The following SLC15A4 variants were observed in gnomAD, a reference collection of about 807,000 sequenced individuals.
SLC15A4 encodes the protein solute carrier family 15 member 4, also known as hPHT1.
Under a neutral mutation model 46.1 loss-of-function variants are expected in SLC15A4, and 26 were observed. The ratio of observed to expected loss-of-function variants is 0.56; its 90% CI spans 0.41 to 0.78. SLC15A4 has a LOEUF of 0.78. SLC15A4 is among the 30% of genes least tolerant of loss of function. The pLI is 0.00. For synonymous variants in SLC15A4, 370 were observed against 333.4 expected (o/e 1.11, Z -1.20); for missense variants, 751 against 755.7 (o/e 0.99, Z 0.07).
At chr12:128,820,695 G>A (rs1237120874) in intron 1 of SLC15A4, among the ~76,000 whole-genome samples, 1 of 152,226 alleles carries the variant, frequency 6.6e-6, no homozygotes, top group Non-Finnish European at 1.5e-5. Flanking sequence ...TGTAGCATAC[G>A]TGTCATGTGG....
intron 7 of SLC15A4, among the ~76,000 whole-genome samples, chr12:128,797,267 CAGA>C (rs1378625548): frequency 1.3e-5 from 2 of 151,998 alleles, no homozygotes; most frequent in African/African-American, 4.8e-5. Flanking sequence ...GAGCAGTACT[CAGA>C]AGTACAGGGG....
At chr12:128,800,330 T>C (rs2135706343) in intron 6 of SLC15A4, among the ~76,000 whole-genome samples, 1 of 152,294 alleles carries the variant, frequency 6.6e-6, no homozygotes, top group East Asian at 1.9e-4. Flanking sequence ...TACCCACACA[T>C]CCATCCACCT....
chr12:128,797,496 T>G (rs542606416), intron 7 of SLC15A4, among the ~76,000 whole-genome samples: 1 of 152,304 alleles, frequency 6.6e-6, no homozygotes, highest in South Asian at 2.1e-4. Flanking sequence ...ATTAGAGACC[T>G]TTACTATGGT....
At chr12:128,807,620 C>G (rs984613208) in intron 5 of SLC15A4, among the ~76,000 whole-genome samples, 5 of 152,222 alleles carry the variant, frequency 3.3e-5, no homozygotes, top group African/African-American at 1.2e-4. Flanking sequence ...TTCCTGCAGA[C>G]AGCCCTTCTG....
chr12:128,794,486 T>C (rs1014335984), intron 7 of SLC15A4, 130 bp from the exon 8 acceptor site: 4 of 908,738 alleles, frequency 4.4e-6, no homozygotes, highest in African/African-American at 3.4e-5. Flanking sequence ...ATGTTGTCTC[T>C]GTAGTCCAAA....
Position 128,810,044 on chromosome 12 carries a change from C to T in SLC15A4, c.910G>A (p.Gly304Ser). The T allele has an allele frequency of 6.2e-7, 1 of 1,614,124 alleles. No individual in the cohort carries two copies. Among genetic ancestry groups the T allele is most frequent in the Non-Finnish European group, 8.5e-7 (1 of 1,180,010 alleles). ...ACTTTCTCTTCTGTAAATGGCCCAC[C>T]ATGAGACATCTTACATGAATCAAAC... ...SLFDSCKMSH[G>S]GPFTEEKVED... Residue 304 changes from glycine to serine, a missense_variant, in exon 3 of 8, where the codon GGT becomes AGT. By Grantham distance (56) the Gly-to-Ser change is moderately conservative. Coordinates refer to ENST00000266771, the MANE Select transcript of SLC15A4 (RefSeq NM_145648.4).
intron 3 of SLC15A4, chr12:128,809,742 A>G: frequency 3.6e-6 from 2 of 557,418 alleles, no homozygotes; most frequent in South Asian, 5.4e-5. Flanking sequence ...ACCTGTTCTC[A>G]GCTTCTTTTT....
chr12:128,797,366 G>A (rs1320923997), intron 7 of SLC15A4, among the ~76,000 whole-genome samples: 1 of 149,332 alleles, frequency 6.7e-6, no homozygotes, highest in African/African-American at 2.5e-5. Flanking sequence ...GGGGACCAAC[G>A]CTGGAATAGA....
At chr12:128,810,758 A>C (rs1955646956) in intron 2 of SLC15A4, among the ~76,000 whole-genome samples, 1 of 152,136 alleles carries the variant, frequency 6.6e-6, no homozygotes, top group Admixed American at 6.5e-5. Context: ...AGTAGGAAAC[A>C]GGGAGTGCCC....
chr12:128,800,157 A>G (rs1342739246), intron 6 of SLC15A4, among the ~76,000 whole-genome samples: 1 of 152,108 alleles, frequency 6.6e-6, no homozygotes, highest in Non-Finnish European at 1.5e-5. Context: ...AGACTTCAAA[A>G]CTATTTTGGC....
chr12:128,806,641 T>C (rs1955592886), intron 5 of SLC15A4, among the ~76,000 whole-genome samples: 2 of 152,212 alleles, frequency 1.3e-5, no homozygotes, highest in African/African-American at 4.8e-5. Flanking sequence ...ATGTAACTCT[T>C]CCCAACTACT....
intron 7 of SLC15A4, among the ~76,000 whole-genome samples, chr12:128,796,616 A>T (rs1444905282): frequency 6.6e-6 from 1 of 152,152 alleles, no homozygotes; most frequent in Non-Finnish European, 1.5e-5. Context: ...CAGATGTTTT[A>T]CACTATTCGT....
Position 128,810,040 on chromosome 12 carries a change from C to T in SLC15A4, c.914G>A (p.Gly305Glu). 1.2e-6 allele frequency: 2 copies of T among 1,614,062 alleles called. No homozygotes were observed. The highest frequency in any genetic ancestry group is 1.6e-4 in the Middle Eastern group (1 of 6,062). The change falls in exon 3 of 8, where the codon GGG becomes GAG. Residue 305 changes from glycine to glutamate, a missense_variant. By Grantham distance (98) the Gly-to-Glu change is moderately conservative. Transcript: ENST00000266771. The part of the protein sequence containing the change: ...LFDSCKMSHG[G>E]PFTEEKVEDV... ...TTCCACTTTCTCTTCTGTAAATGGC[C>T]CACCATGAGACATCTTACATGAATC...
intron 7 of SLC15A4, among the ~76,000 whole-genome samples, chr12:128,796,584 G>C (rs564219797): frequency 6.6e-6 from 1 of 152,092 alleles, no homozygotes; most frequent in African/African-American, 2.4e-5. Context: ...AATTCTACCA[G>C]ACTAAAGCTT....
At chr12:128,813,999 A>T (rs530847854) in intron 2 of SLC15A4, 1 of 155,480 alleles carries the variant, frequency 6.4e-6, no homozygotes, top group Non-Finnish European at 1.5e-5. Flanking sequence ...GGCATCCAAC[A>T]TCACCAAACA....
rs573021477 is a variant in SLC15A4, at chr12:128,814,770, C to T, written c.842+5G>A. On this transcript the variant is annotated splice_donor_5th_base_variant and intron_variant, in intron 2 of 7. Transcript: ENST00000266771. ...AACAGCCCAAGATGAGAACTAAGTG[C>T]TTACCCATTACTCTGGCGCTCTCCA... 9.9e-6 allele frequency: 16 copies of T among 1,612,808 alleles called. No homozygotes were observed. Among genetic ancestry groups the T allele is most frequent in the Middle Eastern group, 1.7e-4 (1 of 6,032 alleles).
At chr12:128,812,171 C>T (rs1955665959) in intron 2 of SLC15A4, among the ~76,000 whole-genome samples, 1 of 152,224 alleles carries the variant, frequency 6.6e-6, no homozygotes, top group Non-Finnish European at 1.5e-5. Flanking sequence ...CTTCATTTCT[C>T]ATTTAATATC....
intron 7 of SLC15A4, among the ~76,000 whole-genome samples, chr12:128,796,897 T>C (rs1955450800): frequency 6.6e-6 from 1 of 152,168 alleles, no homozygotes. Flanking sequence ...AACTGAAGGC[T>C]GCGCGGCCCT....
chr12:128,812,567 C>T (rs533776765), intron 2 of SLC15A4, among the ~76,000 whole-genome samples: 161 of 152,274 alleles, frequency 1.1e-3, no homozygotes, highest in South Asian at 4.6e-3. Flanking sequence ...CCGCCCGCCT[C>T]GGCCTCCCAA....
Sources: gnomAD v4.1 joint callset for allele counts (sites outside exome capture counted in the v4.1 genomes callset) on GRCh38, gnomAD v4.1.1 for gene constraint, MANE v1.5 for transcripts, NCBI Gene and HGNC (gene_info 2026-07-23, HGNC 2026-07-21) for gene names.